Variants in UHRF2 observed in about 807,000 individuals in gnomAD.
UHRF2 encodes ubiquitin like with PHD and ring finger domains 2.
In UHRF2, 23 loss-of-function variants were observed where a neutral mutation model predicts 96.8. The observed-to-expected ratio is 0.24, with a 90% CI of 0.17 to 0.34. The LOEUF is 0.34. Ranked by LOEUF, UHRF2 falls within the 10% of genes least tolerant of loss-of-function variation. UHRF2 has a pLI of 1.00. For missense variants in UHRF2, 685 were observed against 981.5 expected (o/e 0.70, Z 4.04); for synonymous variants, 385 against 332.6 (o/e 1.16, Z -1.72).
intron 3 of UHRF2, among the ~76,000 whole-genome samples, chr9:6,455,932 A>G (rs772684718): frequency 6.6e-6 from 1 of 152,180 alleles, no homozygotes; most frequent in African/African-American, 2.4e-5. Flanking sequence ...TGCAGCGGGC[A>G]TGATCACACC....
chr9:6,476,993 G>A (rs1049118622), intron 5 of UHRF2, among the ~76,000 whole-genome samples: 20 of 152,280 alleles, frequency 1.3e-4, no homozygotes, highest in African/African-American at 4.8e-4. Flanking sequence ...CAGTTTGGGA[G>A]GCCAAGGTTG....
At chr9:6,482,250 G>A (rs1823970702) in intron 8 of UHRF2, 151 bp downstream of exon 8, 1 of 655,660 alleles carries the variant, frequency 1.5e-6, no homozygotes. Flanking sequence ...TCTTCCTGGA[G>A]GTTAACAAAG....
At chr9:6,494,114 T>C in intron 10 of UHRF2, 182 bp downstream of exon 10, 1 of 528,272 alleles carries the variant, frequency 1.9e-6, no homozygotes, top group Non-Finnish European at 3.3e-6. Flanking sequence ...TATACTGTTA[T>C]TTTTTAAATG....
Position 6,477,723 on chromosome 9 carries a change from C to T in UHRF2, c.1075C>T (p.Gln359Ter). ...VCGGKHEPNM[Q>*]LLCDECNVAY... is the part of the protein sequence containing the mutation. ...TGGTGGGAAACATGAACCCAACATGCAGCTTCTGTGTGATGAATGTAATGT... is the reference window on the plus strand; with the variant it reads ...TGGTGGGAAACATGAACCCAACATGTAGCTTCTGTGTGATGAATGTAATGT... Residue 359 changes from glutamine (Q) to a stop codon, truncating the protein, a stop_gained, in exon 6 of 16, where the codon CAG becomes TAG. Coordinates refer to ENST00000276893, the MANE Select transcript of UHRF2 (RefSeq NM_152896.3). LOFTEE classifies it high-confidence loss of function. 6.2e-7 allele frequency: 1 copy of T among 1,614,082 alleles called. No individual in the cohort carries two copies. Among genetic ancestry groups the T allele is most frequent in the Non-Finnish European group, 8.5e-7 (1 of 1,179,972 alleles).
At chr9:6,448,796 A>G (rs766635844) in intron 3 of UHRF2, among the ~76,000 whole-genome samples, 2 of 152,224 alleles carry the variant, frequency 1.3e-5, no homozygotes, top group African/African-American at 4.8e-5. Flanking sequence ...TAGACAGACT[A>G]CTTGTCTTCA....
At chr9:6,493,382 G>A (rs1244330118) in intron 9 of UHRF2, among the ~76,000 whole-genome samples, 1 of 152,148 alleles carries the variant, frequency 6.6e-6, no homozygotes, top group Admixed American at 6.5e-5. Flanking sequence ...TGAAATTTGA[G>A]GCAGCACACT....
intron 10 of UHRF2, chr9:6,495,832 A>T (rs541388581): frequency 2.6e-5 from 4 of 152,338 alleles, no homozygotes; most frequent in African/African-American, 9.6e-5. Flanking sequence ...ATCTGTGAGC[A>T]TTAAAGCATT....
intron 4 of UHRF2, among the ~76,000 whole-genome samples, chr9:6,462,552 G>A (rs988259985): frequency 1.3e-5 from 2 of 152,112 alleles, no homozygotes; most frequent in Non-Finnish European, 2.9e-5. Flanking sequence ...CTTGAGTGTT[G>A]GAAGTAGAAA....
intron 4 of UHRF2, among the ~76,000 whole-genome samples, chr9:6,474,518 C>T (rs1376560560): frequency 6.6e-6 from 1 of 152,140 alleles, no homozygotes; most frequent in Non-Finnish European, 1.5e-5. Flanking sequence ...CGAGCCCAGC[C>T]AACATGGTGA....
intron 3 of UHRF2, among the ~76,000 whole-genome samples, chr9:6,437,828 A>G (rs1169450653): frequency 1.3e-5 from 2 of 152,038 alleles, no homozygotes; most frequent in Admixed American, 6.6e-5. Context: ...ACGTTGGCCA[A>G]GGTGGTCTTG....
chr9:6,421,760 C>G (rs754773732), intron 2 of UHRF2, among the ~76,000 whole-genome samples: 33 of 152,164 alleles, frequency 2.2e-4, no homozygotes, highest in Non-Finnish European at 4.1e-4. Context: ...TATCAGAACA[C>G]TTCTCTCTGT....
chr9:6,429,312 A>G (rs917222557), intron 2 of UHRF2, among the ~76,000 whole-genome samples: 5 of 152,326 alleles, frequency 3.3e-5, no homozygotes, highest in Admixed American at 6.5e-5. Flanking sequence ...GAAAATGGGA[A>G]TTATTTTGTA....
At chr9:6,456,554 A>AT (rs1465251762) in intron 3 of UHRF2, among the ~76,000 whole-genome samples, 1 of 152,070 alleles carries the variant, frequency 6.6e-6, no homozygotes, top group Non-Finnish European at 1.5e-5. Flanking sequence ...CCATTTGTCA[A>AT]TTTTGGCTTC....
At position 6,482,015 on chromosome 9, in the gene UHRF2, G is replaced by A. The variant is rs761434516; in HGVS notation, c.1308G>A (p.Thr436=). ...WGRGMACVGR[T]RECTIVPSNH... ...AGGGAATGGCTTGTGTTGGTCGTAC[G>A]AGAGAATGTACTATTGTCCCTTCTA... The change falls in exon 8 of 16, where the codon ACG becomes ACA. Residue 436 remains threonine, a synonymous_variant. Transcript: ENST00000276893. 2 of 1,613,900 alleles carry A rather than the reference G, an allele frequency of 1.2e-6. No individual in the cohort carries two copies. Among genetic ancestry groups the A allele is most frequent in the Non-Finnish European group, 1.7e-6 (2 of 1,179,902 alleles).
In UHRF2 at chr9:6,434,035, G is replaced by A. The variant is rs1464287041; in HGVS notation, c.506G>A (p.Ser169Asn). ...SRGKTPLKNG[S>N]SCKRTNGNIK... ...GGCAAAACTCCACTGAAGAATGGCA[G>A]TTCTTGTAAAAGGACTAATGGAAAT... The change falls in exon 3 of 16, where the codon AGT becomes AAT. Residue 169 changes from serine to asparagine, a missense_variant. Ser to Asn is a conservative substitution (Grantham distance 46). This residue lies in a region of UHRF2 where 391 missense variants were observed against 437.0 expected (regional missense o/e 0.89). Coordinates refer to ENST00000276893, the MANE Select transcript of UHRF2 (RefSeq NM_152896.3). 9 of 1,614,014 alleles carry A rather than the reference G, an allele frequency of 5.6e-6. No individual in the cohort carries two copies. The East Asian group carries it at 1.8e-4, about 32-fold the overall frequency.
chr9:6,462,531 C>G (rs1250452444), intron 4 of UHRF2, among the ~76,000 whole-genome samples: 1 of 152,134 alleles, frequency 6.6e-6, no homozygotes, highest in East Asian at 1.9e-4. Context: ...TGTTAGGAGC[C>G]TTTTAACCTA....
chr9:6,467,133 T>C (rs1403746529), intron 4 of UHRF2, among the ~76,000 whole-genome samples: 1 of 152,204 alleles, frequency 6.6e-6, no homozygotes, highest in Non-Finnish European at 1.5e-5. Context: ...CAAAAATCAT[T>C]GTTAGCAGGG....
At chr9:6,448,033 A>G (rs1315848975) in intron 3 of UHRF2, among the ~76,000 whole-genome samples, 1 of 152,186 alleles carries the variant, frequency 6.6e-6, no homozygotes, top group Non-Finnish European at 1.5e-5. Context: ...ATAGGATTCA[A>G]TATAGGAGGT....
intron 14 of UHRF2, among the ~76,000 whole-genome samples, chr9:6,503,614 T>C (rs1345321523): frequency 1.3e-5 from 2 of 152,160 alleles, no homozygotes; most frequent in Non-Finnish European, 2.9e-5. Flanking sequence ...ATGTTTTGTT[T>C]ATGGTATTAG....
Sources: allele counts gnomAD v4.1 joint callset (sites outside exome capture counted in the v4.1 genomes callset), GRCh38; gene constraint gnomAD v4.1.1; regional missense constraint gnomAD v4.1.1; transcripts MANE v1.5; gene names NCBI Gene and HGNC (gene_info 2026-07-23, HGNC 2026-07-21).